Variants in NBEAL1 observed in about 807,000 individuals in gnomAD.
The protein encoded by NBEAL1 is neurobeachin-like protein 1.
NBEAL1 carries 273 observed loss-of-function variants against 351.3 expected under a neutral mutation model. The observed-to-expected ratio is 0.78, with a 90% CI of 0.70 to 0.86. NBEAL1 has a LOEUF of 0.86. NBEAL1 is among the 40% of genes least tolerant of loss of function. The pLI is 0.00. For missense variants in NBEAL1, 2,961 were observed against 3,201.3 expected (o/e 0.92, Z 1.81); for synonymous variants, 1,050 against 1,086.4 (o/e 0.97, Z 0.66).
In NBEAL1 at chr2:203,190,349, T is replaced by G. The variant is rs1392807480; in HGVS notation, c.6881T>G (p.Met2294Arg). 1.2e-6 allele frequency: 2 copies of G among 1,612,552 alleles called. No individual in the cohort carries two copies. Among genetic ancestry groups the G allele is most frequent in the East Asian group, 4.5e-5 (2 of 44,882 alleles). Reference sequence around the variant, plus strand: ...AAAGAAAGAAAAGCCTTAGAAGGGATGATTAATAATTTTGGGCAAACACCC... The same window carrying G: ...AAAGAAAGAAAAGCCTTAGAAGGGAGGATTAATAATTTTGGGCAAACACCC... ...DEKERKALEGMINNFGQTPCQ... is the reference protein window; with the variant it reads ...DEKERKALEGRINNFGQTPCQ... The change falls in exon 46 of 56, where the codon ATG becomes AGG. Residue 2294 changes from methionine (M) to arginine (R), a missense_variant. Transcript: ENST00000683969.
At chr2:203,210,474 A>G (rs2164037) in intron 53 of NBEAL1, among the ~76,000 whole-genome samples, 135,088 of 151,928 alleles carry the variant, frequency 0.89, 61,044 homozygotes, top group Non-Finnish European at 0.96. Context: ...ATCCTAACTA[A>G]CACAGTGAAA....
chr2:203,166,469 T>C (rs1048629498), intron 37 of NBEAL1, among the ~76,000 whole-genome samples, 172 bp downstream of exon 37: 1 of 152,222 alleles, frequency 6.6e-6, no homozygotes, highest in Non-Finnish European at 1.5e-5. Flanking sequence ...GGGAATGCTT[T>C]TTAAAAATTA....
chr2:203,189,697 C>T (rs193003658), intron 45 of NBEAL1, among the ~76,000 whole-genome samples: 114 of 152,120 alleles, frequency 7.5e-4, no homozygotes, highest in Middle Eastern at 3.4e-3. Flanking sequence ...CAATAGAAAC[C>T]TTCATAGAAT....
intron 47 of NBEAL1, among the ~76,000 whole-genome samples, chr2:203,196,527 C>A (rs941269147): frequency 1.3e-5 from 2 of 152,058 alleles, no homozygotes; most frequent in African/African-American, 4.8e-5. Context: ...TTCATTTTGC[C>A]TTGTTCAAAT....
Position 203,126,084 on chromosome 2 carries a change from A to ACT in NBEAL1, c.2977_2978dup (p.Gln994PhefsTer8). On this transcript the variant is annotated frameshift_variant, in exon 21 of 56. Transcript: ENST00000683969. LOFTEE classifies it high-confidence loss of function. ...ATGGAGTTGCAACTCTTGGTGCTTT[A>ACT]CTTCAGAAGGTGAGCCAGTCTAACA... 1 of 1,543,460 alleles carries ACT rather than the reference A, an allele frequency of 6.5e-7. No individual in the cohort carries two copies. The highest frequency in any genetic ancestry group is 1.2e-5 in the South Asian group (1 of 81,626).
chr2:203,053,845 T>C (rs1348326636), intron 4 of NBEAL1, among the ~76,000 whole-genome samples: 1 of 152,176 alleles, frequency 6.6e-6, no homozygotes, highest in Non-Finnish European at 1.5e-5. Context: ...TATTTTTTGA[T>C]AGTCTGCGAC....
rs2062614310 is a variant in NBEAL1, at chr2:203,113,292, C to T, written c.2480C>T (p.Pro827Leu). ...ATCTTTTATGAACCACTACAACCTC[C>T]TCAGGTGAAGGCATTATATTTAGCA... ...VIIFYEPLQP[P>L]QVKALYLAGP... The change falls in exon 17 of 56, where the codon CCT becomes CTT. Residue 827 changes from proline to leucine, a missense_variant. By Grantham distance (98) the Pro-to-Leu change is moderately conservative. Coordinates refer to ENST00000683969, the MANE Select transcript of NBEAL1 (RefSeq NM_001378026.1). 1.4e-6 allele frequency: 2 copies of T among 1,433,578 alleles called. No individual in the cohort carries two copies. Among genetic ancestry groups the T allele is most frequent in the Non-Finnish European group, 1.8e-6 (2 of 1,090,718 alleles). 88.8% of individuals were successfully genotyped at this position (1,433,578 alleles called of 1,614,324 possible).
rs556236519 is a variant in NBEAL1 at position 203,160,376 on chromosome 2, C to A, written c.5714+2551C>A. 2.6e-5 allele frequency among the ~76,000 whole-genome samples: 4 copies of A among 152,188 alleles called. No individual in the cohort carries two copies. In the South Asian group the frequency reaches 8.3e-4, roughly 32 times the overall value. On this transcript the variant is annotated intron_variant, in intron 36 of 55. Coordinates refer to ENST00000683969, the MANE Select transcript of NBEAL1 (RefSeq NM_001378026.1). ...GATTACAGGCGTGAGCCACCACGCC[C>A]GGCCTGGTTCTTTTTTTAAACGTTT...
Position 203,202,738 on chromosome 2 carries a change from G to T in NBEAL1, c.7463G>T (p.Gly2488Val), listed in dbSNP as rs2065436073. 6.2e-7 allele frequency: 1 copy of T among 1,602,956 alleles called. No homozygotes were observed. Among genetic ancestry groups the T allele is most frequent in the Non-Finnish European group, 8.5e-7 (1 of 1,170,374 alleles). Reference protein sequence around the residue: ...TDYCGIHLISGSRDTTCMIWQ... With the variant: ...TDYCGIHLISVSRDTTCMIWQ... Reference sequence around the variant, plus strand: ...TACTGTGGAATACATTTGATTTCTGGTTCCAGAGATACTACATGTATGATA... The same window carrying T: ...TACTGTGGAATACATTTGATTTCTGTTTCCAGAGATACTACATGTATGATA... The change falls in exon 51 of 56, where the codon GGT becomes GTT. Residue 2488 changes from glycine (G) to valine (V), a missense_variant. Physicochemically the swap from Gly to Val is moderately radical, Grantham distance 109. Coordinates refer to ENST00000683969, the MANE Select transcript of NBEAL1 (RefSeq NM_001378026.1).
At chr2:203,047,094 G>A (rs912397477) in intron 3 of NBEAL1, among the ~76,000 whole-genome samples, 4 of 152,026 alleles carry the variant, frequency 2.6e-5, no homozygotes, top group African/African-American at 7.2e-5. Context: ...CAAAATTAGC[G>A]GGCGTGGTGG....
At position 203,131,882 on chromosome 2, in the gene NBEAL1, T is replaced by C. The variant is rs1575016748; in HGVS notation, c.3565-91T>C. 6.0e-5 allele frequency: 51 copies of C among 844,584 alleles called. No individual in the cohort carries two copies. The East Asian group carries it at 1.5e-3, about 24-fold the overall frequency. The allele number at this position is 844,584 out of a possible 1,614,324, so 52.3% of individuals were successfully genotyped here. ...TAATGCTAATAAATACTAACATTAA[T>C]ATTTAATGTTAATAAGTTAACATTT... is the stretch of plus-strand genomic sequence containing the variant. On this transcript the variant is annotated intron_variant, in intron 25 of 55. Coordinates refer to ENST00000683969, the MANE Select transcript of NBEAL1 (RefSeq NM_001378026.1).
chr2:203,015,433 C>T (rs1207918801), intron 1 of NBEAL1, among the ~76,000 whole-genome samples: 1 of 151,790 alleles, frequency 6.6e-6, no homozygotes, highest in Non-Finnish European at 1.5e-5. Context: ...ACGCCCTGCC[C>T]TGCAACACAG....
Position 203,202,766 on chromosome 2 carries a change from G to A in NBEAL1, c.7491G>A (p.Trp2497Ter). 2 of 1,575,710 alleles carry A rather than the reference G, an allele frequency of 1.3e-6. No individual in the cohort carries two copies. The highest frequency in any genetic ancestry group is 1.1e-5 in the South Asian group (1 of 90,056). The change falls in exon 51 of 56, where the codon TGG (tryptophan) becomes TGA (stop). Residue 2497 changes from tryptophan to a stop codon, truncating the protein, a stop_gained. Transcript: ENST00000683969. LOFTEE classifies it high-confidence loss of function. ...SGSRDTTCMI[W>*]QITQQGGVPV... The stretch of plus-strand genomic sequence containing the variant: ...CCAGAGATACTACATGTATGATATG[G>A]CAAATAACACAACAGGTAGTCACAC...
chr2:203,074,886 T>C (rs1247136487), intron 7 of NBEAL1: 2 of 153,348 alleles, frequency 1.3e-5, no homozygotes, highest in African/African-American at 4.8e-5. Context: ...ATCTTTTTCA[T>C]TGGCTGACTT....
intron 31 of NBEAL1, among the ~76,000 whole-genome samples, chr2:203,141,538 A>G (rs2063382920): frequency 2.0e-5 from 3 of 150,896 alleles, no homozygotes. Flanking sequence ...GTGTGCCACC[A>G]CACATGGCTA....
At chr2:203,112,343 T>C (rs2062592996) in intron 16 of NBEAL1, among the ~76,000 whole-genome samples, 1 of 152,208 alleles carries the variant, frequency 6.6e-6, no homozygotes, top group Non-Finnish European at 1.5e-5. Flanking sequence ...GAAAGACTTA[T>C]AACAGGAAAG....
intron 10 of NBEAL1, among the ~76,000 whole-genome samples, chr2:203,089,358 C>CA (rs773856301): frequency 1.8e-3 from 213 of 118,274 alleles, no homozygotes; most frequent in Middle Eastern, 8.7e-3. Flanking sequence ...GACTCCATCT[C>CA]AAAAAAAAAA....
chr2:203,017,771 T>TAAAACTATAC (rs2060704744), intron 2 of NBEAL1, among the ~76,000 whole-genome samples: 1 of 152,210 alleles, frequency 6.6e-6, no homozygotes, highest in Non-Finnish European at 1.5e-5. Flanking sequence ...TTAAAGCTTA[T>TAAAACTATAC]TAAACAGATA....
At chr2:203,156,194 C>G (rs2063793749) in intron 35 of NBEAL1, among the ~76,000 whole-genome samples, 1 of 152,168 alleles carries the variant, frequency 6.6e-6, no homozygotes, top group African/African-American at 2.4e-5. Context: ...CCTCATATCT[C>G]TGAAATTCCT....
Sources: allele counts gnomAD v4.1 joint callset (sites outside exome capture counted in the v4.1 genomes callset), GRCh38; gene constraint gnomAD v4.1.1; transcripts MANE v1.5; gene names NCBI Gene and HGNC (gene_info 2026-07-23, HGNC 2026-07-21).